Variants in RGL1 observed in about 807,000 individuals in gnomAD.
The protein encoded by RGL1 is ral guanine nucleotide dissociation stimulator like 1.
RGL1 carries 24 observed loss-of-function variants against 95.2 expected under a neutral mutation model. The ratio of observed to expected loss-of-function variants is 0.25; its 90% CI spans 0.18 to 0.35. RGL1 has a LOEUF of 0.35. Ranked by LOEUF, RGL1 falls within the 10% of genes least tolerant of loss-of-function variation. The probability of loss-of-function intolerance (pLI) is 1.00; values close to 1 mark genes in which losing one functional copy is unlikely to be tolerated. For missense variants in RGL1, 715 were observed against 936.3 expected (o/e 0.76, Z 3.08); for synonymous variants, 329 against 344.9 (o/e 0.95, Z 0.51).
intron 16 of RGL1, among the ~76,000 whole-genome samples, chr1:183,921,890 C>G (rs1669325079): frequency 6.6e-6 from 1 of 152,322 alleles, no homozygotes; most frequent in Middle Eastern, 3.4e-3. Flanking sequence ...ACTAATAATG[C>G]TTTGCATTTT....
chr1:183,721,521 C>T (rs1470902470), intron 1 of RGL1, among the ~76,000 whole-genome samples: 1 of 152,178 alleles, frequency 6.6e-6, no homozygotes, highest in East Asian at 1.9e-4. Context: ...TGAGTTTTAA[C>T]CCCACAGTAT....
upstream of RGL1, among the ~76,000 whole-genome samples, chr1:183,803,000 G>A (rs1661079325): frequency 6.6e-6 from 1 of 152,142 alleles, no homozygotes; most frequent in Non-Finnish European, 1.5e-5. Context: ...ACTGCCTACT[G>A]ATGAAATATT....
chr1:183,769,221 C>G (rs966431677), intron 2 of RGL1, among the ~76,000 whole-genome samples: 4 of 152,190 alleles, frequency 2.6e-5, no homozygotes, highest in African/African-American at 9.6e-5. Flanking sequence ...CACCAATACT[C>G]AGAAGACTCA....
intron 1 of RGL1, among the ~76,000 whole-genome samples, chr1:183,714,851 A>T (rs957134490): frequency 3.3e-5 from 5 of 152,204 alleles, no homozygotes; most frequent in African/African-American, 1.2e-4. Context: ...TGGAGAGTAC[A>T]TGAAGACCCG....
chr1:183,798,939 C>G (rs1238788902), intron 2 of RGL1, among the ~76,000 whole-genome samples: 2 of 127,360 alleles, frequency 1.6e-5, no homozygotes, highest in Non-Finnish European at 3.1e-5. Flanking sequence ...GAGTCTTGCT[C>G]TGTCGCCCAG....
intron 2 of RGL1, among the ~76,000 whole-genome samples, chr1:183,748,047 C>A (rs897005529): frequency 2.6e-5 from 4 of 152,130 alleles, no homozygotes; most frequent in Admixed American, 2.6e-4. Context: ...TTGACTTCTT[C>A]TGATTTAGTC....
At chr1:183,751,798 G>A (rs532042704) in intron 2 of RGL1, among the ~76,000 whole-genome samples, 1 of 152,284 alleles carries the variant, frequency 6.6e-6, no homozygotes, top group East Asian at 1.9e-4. Context: ...CCTTGGCTAG[G>A]GGAGGGAGTT....
intron 2 of RGL1, among the ~76,000 whole-genome samples, chr1:183,761,344 T>C (rs546558184): frequency 6.6e-6 from 1 of 152,364 alleles, no homozygotes; most frequent in South Asian, 2.1e-4. Flanking sequence ...GAAATGGATA[T>C]TGTGTTAGCA....
intron 1 of RGL1, among the ~76,000 whole-genome samples, chr1:183,656,534 G>A (rs2102012432): frequency 6.6e-6 from 1 of 152,324 alleles, no homozygotes. Context: ...TCAGGGAAAT[G>A]CCAAGCTGTA....
At chr1:183,869,147 A>T (rs1434322575) in intron 4 of RGL1, among the ~76,000 whole-genome samples, 2 of 152,234 alleles carry the variant, frequency 1.3e-5, no homozygotes, top group Admixed American at 6.5e-5. Context: ...TAATAAAAAA[A>T]TCCAGAGCTT....
intron 1 of RGL1, among the ~76,000 whole-genome samples, chr1:183,657,285 T>A (rs1287269504): frequency 6.6e-6 from 1 of 152,202 alleles, no homozygotes; most frequent in Admixed American, 6.5e-5. Flanking sequence ...AAATCTTTCT[T>A]TTTTAAAAAA....
intron 13 of RGL1, 68 bp from the exon 14 acceptor site, chr1:183,906,944 C>T (rs1481928031): frequency 9.3e-6 from 8 of 857,600 alleles, no homozygotes; most frequent in Non-Finnish European, 1.6e-5. Flanking sequence ...ACCAGGACAT[C>T]ATGTGAATTT....
At chr1:183,675,334 ATCCTTCCTTCCT>A (rs747929137) in intron 1 of RGL1, among the ~76,000 whole-genome samples, 1 of 143,894 alleles carries the variant, frequency 6.9e-6, no homozygotes, top group Non-Finnish European at 1.5e-5. Context: ...CTTTCCCTCT[ATCCTTCCTTCCT>A]TCCTTCCTTC....
At chr1:183,902,784 T>C (rs1404468075) in intron 12 of RGL1, among the ~76,000 whole-genome samples, 184 bp downstream of exon 12, 1 of 152,166 alleles carries the variant, frequency 6.6e-6, no homozygotes, top group Non-Finnish European at 1.5e-5. Context: ...AGGTAGGTTT[T>C]ATCATCCTCA....
At chr1:183,653,293 G>A (rs1037271488) in intron 1 of RGL1, 1 of 152,246 alleles carries the variant, frequency 6.6e-6, no homozygotes, top group African/African-American at 2.4e-5. Context: ...TTGCTGAGGT[G>A]TGGCTACCTC....
intron 1 of RGL1, among the ~76,000 whole-genome samples, chr1:183,638,482 C>G (rs1649695038): frequency 6.6e-6 from 1 of 152,102 alleles, no homozygotes; most frequent in Non-Finnish European, 1.5e-5. Context: ...TTAGTGGGCA[C>G]ATAAATTACT....
chr1:183,702,511 C>G (rs1418016772), intron 1 of RGL1, among the ~76,000 whole-genome samples: 1 of 152,216 alleles, frequency 6.6e-6, no homozygotes, highest in Non-Finnish European at 1.5e-5. Flanking sequence ...TTGCATATTT[C>G]AAGACATAGG....
At chr1:183,725,982 A>G (rs918529005) in intron 1 of RGL1, among the ~76,000 whole-genome samples, 1 of 152,204 alleles carries the variant, frequency 6.6e-6, no homozygotes, top group African/African-American at 2.4e-5. Context: ...ACAAGGGAAT[A>G]AATTAGAAAT....
chr1:183,723,758 C>A (rs1038304469), intron 1 of RGL1, among the ~76,000 whole-genome samples: 3 of 152,320 alleles, frequency 2.0e-5, no homozygotes, highest in Non-Finnish European at 4.4e-5. Context: ...AACTCCTAGG[C>A]AATCCTAGTG....
Sources: gnomAD v4.1 joint callset for allele counts (sites outside exome capture counted in the v4.1 genomes callset) on GRCh38, gnomAD v4.1.1 for gene constraint, MANE v1.5 for transcripts, NCBI Gene and HGNC (gene_info 2026-07-23, HGNC 2026-07-21) for gene names.